Variants in MGMT observed in about 807,000 individuals in gnomAD.
The protein encoded by MGMT is O-6-methylguanine-DNA methyltransferase, also known as methylated-DNA--protein-cysteine methyltransferase.
Under a neutral mutation model 15.9 loss-of-function variants are expected in MGMT, and 14 were observed. That is an observed-to-expected ratio of 0.88 (90% confidence interval 0.58 to 1.37). The LOEUF is 1.37. Ranked by LOEUF, MGMT falls within the 40% of genes most tolerant of loss-of-function variation. MGMT has a pLI of 0.00. For missense variants in MGMT, 282 were observed against 268.1 expected, an observed-to-expected ratio of 1.05 and a Z score of -0.36; for synonymous variants, 130 against 118.2, an observed-to-expected ratio of 1.10 and a Z score of -0.65.
chr10:129,529,473 G>C (rs35612817), intron 1 of MGMT, among the ~76,000 whole-genome samples: 1 of 151,916 alleles, frequency 6.6e-6, no homozygotes, highest in South Asian at 2.1e-4. Flanking sequence ...TAATGCTGCC[G>C]CTGACCTGAC....
chr10:129,742,260 T>C (rs1848642867), intron 3 of MGMT, among the ~76,000 whole-genome samples: 1 of 152,186 alleles, frequency 6.6e-6, no homozygotes, highest in Non-Finnish European at 1.5e-5. Context: ...TTCTTAAAAG[T>C]TATTGGGCCA....
At chr10:129,689,337 T>G (rs923902802) in intron 2 of MGMT, among the ~76,000 whole-genome samples, 4 of 152,188 alleles carry the variant, frequency 2.6e-5, no homozygotes, top group Non-Finnish European at 5.9e-5. Flanking sequence ...CAGTTTGCAG[T>G]GTTTCTAAGC....
At chr10:129,656,043 A>C (rs1847521576) in intron 2 of MGMT, among the ~76,000 whole-genome samples, 1 of 152,202 alleles carries the variant, frequency 6.6e-6, no homozygotes, top group South Asian at 2.1e-4. Context: ...TCTTCACCGG[A>C]CAACCCCTGA....
chr10:129,766,748 C>A, intron 4 of MGMT, 40 bp from the exon 5 acceptor site: 2 of 1,576,722 alleles, frequency 1.3e-6, no homozygotes, highest in South Asian at 1.2e-5. Context: ...CCTCGTTGTC[C>A]AGATCCCTGA....
chr10:129,703,084 TGTA>T (rs1430466292), intron 2 of MGMT, among the ~76,000 whole-genome samples: 1 of 152,226 alleles, frequency 6.6e-6, no homozygotes, highest in South Asian at 2.1e-4. Context: ...TCATTTTAAA[TGTA>T]GTATCATAAA....
intron 2 of MGMT, among the ~76,000 whole-genome samples, chr10:129,649,604 GCTGAAT>G (rs1345502799): frequency 1.3e-5 from 2 of 152,180 alleles, no homozygotes; most frequent in Non-Finnish European, 2.9e-5. Context: ...GTACTTTGAA[GCTGAAT>G]CTCCTCAGGT....
chr10:129,687,713 T>A (rs1391176263), intron 2 of MGMT, among the ~76,000 whole-genome samples: 4 of 145,004 alleles, frequency 2.8e-5, no homozygotes, highest in Middle Eastern at 3.5e-3. Flanking sequence ...TTTTTTTTTT[T>A]ATACTTTAAG....
At chr10:129,591,179 G>A (rs529962758) in intron 2 of MGMT, among the ~76,000 whole-genome samples, 11 of 152,272 alleles carry the variant, frequency 7.2e-5, no homozygotes, top group African/African-American at 2.2e-4. Flanking sequence ...GAACTGGGAC[G>A]GGCATGATGA....
chr10:129,467,324 G>A (rs1474206065), intron 1 of MGMT, 28 bp downstream of exon 1: 32 of 1,531,278 alleles, frequency 2.1e-5, no homozygotes, highest in Non-Finnish European at 2.8e-5. Context: ...CTCGCTCCCG[G>A]AAGAGTGCGG....
At chr10:129,563,572 G>T (rs1482283494) in intron 2 of MGMT, among the ~76,000 whole-genome samples, 2 of 152,098 alleles carry the variant, frequency 1.3e-5, no homozygotes, top group African/African-American at 4.8e-5. Flanking sequence ...AAAATCAAAA[G>T]ACCTGGATGT....
chr10:129,606,235 A>G (rs1011174351), intron 2 of MGMT, among the ~76,000 whole-genome samples: 2 of 152,222 alleles, frequency 1.3e-5, no homozygotes, highest in African/African-American at 4.8e-5. Context: ...TTAGGAGGGC[A>G]CTTGAAATGC....
chr10:129,695,866 G>A (rs1052372477), intron 2 of MGMT, among the ~76,000 whole-genome samples: 1 of 152,132 alleles, frequency 6.6e-6, no homozygotes, highest in Non-Finnish European at 1.5e-5. Flanking sequence ...TCTGCTTCTG[G>A]GGTACTCGGC....
At chr10:129,594,734 G>A (rs1465076367) in intron 2 of MGMT, among the ~76,000 whole-genome samples, 1 of 152,220 alleles carries the variant, frequency 6.6e-6, no homozygotes, top group Non-Finnish European at 1.5e-5. Context: ...TTCTCTGGCT[G>A]AAGAAATCTC....
At chr10:129,624,009 C>T (rs950287533) in intron 2 of MGMT, among the ~76,000 whole-genome samples, 1 of 152,244 alleles carries the variant, frequency 6.6e-6, no homozygotes, top group African/African-American at 2.4e-5. Flanking sequence ...AGGGGTCTTC[C>T]CATGTGTACC....
At chr10:129,702,842 C>T (rs975988850) in intron 2 of MGMT, among the ~76,000 whole-genome samples, 4 of 152,122 alleles carry the variant, frequency 2.6e-5, no homozygotes, top group African/African-American at 7.2e-5. Context: ...GCGTGGGCTA[C>T]GGAGCCCGTA....
intron 2 of MGMT, among the ~76,000 whole-genome samples, chr10:129,596,061 G>A (rs1038559618): frequency 2.6e-5 from 4 of 152,160 alleles, no homozygotes; most frequent in Admixed American, 2.6e-4. Flanking sequence ...AATACACTGG[G>A]CATCTGACAT....
At chr10:129,761,464 C>T (rs1848872637) in intron 4 of MGMT, among the ~76,000 whole-genome samples, 1 of 152,228 alleles carries the variant, frequency 6.6e-6, no homozygotes, top group Admixed American at 6.5e-5. Flanking sequence ...CCAGCAGTTT[C>T]TCACTCTGCA....
In MGMT at chr10:129,768,835, C is replaced by G. The variant is rs1848968276; in HGVS notation, c.*1838C>G. On this transcript the variant is annotated 3_prime_UTR_variant, in exon 5 of 5. Coordinates refer to ENST00000651593, the MANE Select transcript of MGMT (RefSeq NM_002412.5). ...GATGGCTCCCTGTGCTCCCTGAGACCCTACAGGCCGCCCTCTGCAGCCACA... is the reference window on the plus strand; with the variant it reads ...GATGGCTCCCTGTGCTCCCTGAGACGCTACAGGCCGCCCTCTGCAGCCACA... 1 of 152,300 alleles carries G rather than the reference C, an allele frequency of 6.6e-6. No individual in the cohort carries two copies. Among genetic ancestry groups the G allele is most frequent in the Non-Finnish European group, 1.5e-5 (1 of 68,096 alleles). The allele number at this position is 152,300 out of a possible 1,614,324, so 9.4% of individuals were successfully genotyped here. A position where few individuals can be genotyped will look rare whatever the true frequency, so the allele number is the denominator to read the frequency against.
In MGMT at chr10:129,770,466, G is replaced by T. The variant is rs1262223769; in HGVS notation, c.*3469G>T. Among the ~76,000 whole-genome samples, 1 of 152,196 alleles carries T rather than the reference G, an allele frequency of 6.6e-6. No homozygotes were observed. The highest frequency in any genetic ancestry group is 1.5e-5 in the Non-Finnish European group (1 of 68,036). On this transcript the variant is annotated 3_prime_UTR_variant, in exon 5 of 5. Coordinates refer to ENST00000651593, the MANE Select transcript of MGMT (RefSeq NM_002412.5). ...CCTACAAGGACAGAACAGCCCTGGG[G>T]GCCACGTCCCCTCCCGGTCTCATCT...
Sources: gnomAD v4.1 joint callset for allele counts (sites outside exome capture counted in the v4.1 genomes callset) on GRCh38, gnomAD v4.1.1 for gene constraint, MANE v1.5 for transcripts, NCBI Gene and HGNC (gene_info 2026-07-23, HGNC 2026-07-21) for gene names.